The following SLC25A21 variants were observed in gnomAD, a reference collection of about 807,000 sequenced individuals.
The protein encoded by SLC25A21 is mitochondrial 2-oxodicarboxylate carrier.
In SLC25A21, 47 loss-of-function variants were observed where a neutral mutation model predicts 43.8. The ratio of observed to expected loss-of-function variants is 1.07; its 90% CI spans 0.85 to 1.37. The LOEUF is 1.37. Among genes scored for constraint, SLC25A21 ranks in the 40% most tolerant of loss-of-function variants. SLC25A21 has a pLI of 0.00. For synonymous variants in SLC25A21, 131 were observed against 121.3 expected (o/e 1.08, Z -0.52); for missense variants, 352 against 350.2 (o/e 1.00, Z -0.04).
At chr14:36,814,818 G>C (rs1888397387) in intron 2 of SLC25A21, among the ~76,000 whole-genome samples, 1 of 151,940 alleles carries the variant, frequency 6.6e-6, no homozygotes, top group South Asian at 2.1e-4. Flanking sequence ...CCCATTACCG[G>C]GTATATACCC....
chr14:37,137,857 G>GTAT (rs1448807117), intron 1 of SLC25A21, among the ~76,000 whole-genome samples: 1 of 152,056 alleles, frequency 6.6e-6, no homozygotes, highest in Middle Eastern at 3.2e-3. Context: ...CGTTCTACAG[G>GTAT]TATTAATTAA....
At chr14:36,748,722 T>C (rs903239556) in intron 3 of SLC25A21, among the ~76,000 whole-genome samples, 5 of 152,330 alleles carry the variant, frequency 3.3e-5, no homozygotes, top group African/African-American at 9.6e-5. Context: ...CATCGGGTCC[T>C]ATGACTTTAG....
At chr14:37,092,275 G>T (rs1962601947) in intron 1 of SLC25A21, among the ~76,000 whole-genome samples, 1 of 152,130 alleles carries the variant, frequency 6.6e-6, no homozygotes, top group South Asian at 2.1e-4. Flanking sequence ...TAGCATCCTA[G>T]AAATATAAAC....
chr14:36,819,163 G>A (rs1188202956), intron 2 of SLC25A21, among the ~76,000 whole-genome samples: 3 of 152,098 alleles, frequency 2.0e-5, no homozygotes, highest in African/African-American at 7.2e-5. Flanking sequence ...TCAAACCCTA[G>A]GCTGCATTGC....
chr14:36,732,212 A>G (rs942212162), intron 4 of SLC25A21, among the ~76,000 whole-genome samples: 1 of 151,212 alleles, frequency 6.6e-6, no homozygotes. Context: ...TATTCATCTA[A>G]TATCAACTGA....
chr14:37,108,157 T>C (rs1365655297), intron 1 of SLC25A21, among the ~76,000 whole-genome samples: 1 of 152,220 alleles, frequency 6.6e-6, no homozygotes, highest in Non-Finnish European at 1.5e-5. Context: ...TGTAGAAGAA[T>C]GTAAATGTAC....
chr14:36,917,806 T>C (rs1891871132), intron 1 of SLC25A21, among the ~76,000 whole-genome samples: 1 of 152,222 alleles, frequency 6.6e-6, no homozygotes, highest in African/African-American at 2.4e-5. Context: ...ATTTACATTT[T>C]ATCATCAGTA....
At chr14:37,094,527 G>C (rs1962648658) in intron 1 of SLC25A21, among the ~76,000 whole-genome samples, 1 of 152,140 alleles carries the variant, frequency 6.6e-6, no homozygotes, top group Admixed American at 6.6e-5. Flanking sequence ...AACCAAATGT[G>C]TTTGGCCCAT....
intron 1 of SLC25A21, among the ~76,000 whole-genome samples, chr14:37,068,759 C>A (rs1962111654): frequency 6.6e-6 from 1 of 152,162 alleles, no homozygotes; most frequent in Non-Finnish European, 1.5e-5. Flanking sequence ...TCCCATGTAA[C>A]AGGCATAAAG....
intron 1 of SLC25A21, among the ~76,000 whole-genome samples, chr14:37,164,479 T>A (rs1388852081): frequency 6.6e-6 from 1 of 152,274 alleles, no homozygotes; most frequent in East Asian, 1.9e-4. Context: ...AAATCCTGAA[T>A]TTCCAAAGGT....
At chr14:37,028,140 G>C (rs906337120) in intron 1 of SLC25A21, among the ~76,000 whole-genome samples, 21 of 151,886 alleles carry the variant, frequency 1.4e-4, no homozygotes, top group African/African-American at 5.1e-4. Flanking sequence ...AAGGAGACGT[G>C]TGTATAAACA....
chr14:36,693,187 T>G (rs1018751099), intron 7 of SLC25A21, among the ~76,000 whole-genome samples: 29 of 152,214 alleles, frequency 1.9e-4, no homozygotes, highest in African/African-American at 7.0e-4. Context: ...CACATCTTAA[T>G]TTCAGAAAAT....
At chr14:36,804,489 A>G (rs1269008175) in intron 3 of SLC25A21, among the ~76,000 whole-genome samples, 3 of 152,200 alleles carry the variant, frequency 2.0e-5, no homozygotes, top group Non-Finnish European at 4.4e-5. Flanking sequence ...TGTACTCCTC[A>G]TCCTCCTACC....
intron 1 of SLC25A21, among the ~76,000 whole-genome samples, chr14:36,882,945 A>G (rs928225286): frequency 1.3e-5 from 2 of 151,970 alleles, no homozygotes; most frequent in Non-Finnish European, 2.9e-5. Flanking sequence ...TTCAAAATAT[A>G]TCCAGATTTC....
intron 1 of SLC25A21, among the ~76,000 whole-genome samples, chr14:36,996,161 G>C (rs1421810080): frequency 6.6e-6 from 1 of 152,004 alleles, no homozygotes; most frequent in East Asian, 1.9e-4. Flanking sequence ...CACAACCCTT[G>C]TGCCTTCTTT....
chr14:36,988,397 C>A (rs367872355), intron 1 of SLC25A21, among the ~76,000 whole-genome samples: 1 of 152,038 alleles, frequency 6.6e-6, no homozygotes, highest in Admixed American at 6.5e-5. Context: ...ATCTGACTGG[C>A]GAGTTGAGAT....
rs1883854932 is a variant in SLC25A21, at chr14:36,711,341, T to A, written c.580A>T (p.Lys194Ter). 1 of 1,613,958 alleles carries A rather than the reference T, an allele frequency of 6.2e-7. No individual in the cohort carries two copies. The highest frequency in any genetic ancestry group is 8.5e-7 in the Non-Finnish European group (1 of 1,179,972). The change falls in exon 7 of 10, where the codon AAA becomes TAA. Residue 194 changes from lysine to a stop codon, truncating the protein, a stop_gained. Transcript: ENST00000331299. LOFTEE classifies it high-confidence loss of function. ...MVYFGFYYNV[K>*]NMIPVNKDPI... ...ACCTTATTGACAGGAATCATGTTTT[T>A]GACATTGTAGTAGAAGCCAAAATAA...
chr14:36,944,689 T>C (rs1892641008), intron 1 of SLC25A21, among the ~76,000 whole-genome samples: 1 of 152,206 alleles, frequency 6.6e-6, no homozygotes, highest in African/African-American at 2.4e-5. Context: ...ACAGAATTCA[T>C]ATGTGCCTCC....
Position 36,872,356 on chromosome 14 carries a change from G to T in SLC25A21, c.119+2600C>A, listed in dbSNP as rs572336253. Among the ~76,000 whole-genome samples, 4 of 152,214 alleles carry T rather than the reference G, an allele frequency of 2.6e-5. No individual in the cohort carries two copies. In the South Asian group the frequency reaches 8.3e-4, roughly 32 times the overall value. On this transcript the variant is annotated intron_variant, in intron 2 of 9. Coordinates refer to ENST00000331299, the MANE Select transcript of SLC25A21 (RefSeq NM_030631.4). The stretch of plus-strand genomic sequence containing the variant: ...ATTTACTTTCAAACTCCTCTTTAAA[G>T]TGGATTTTTAAAACTCTATAAATGA...
Sources: gnomAD v4.1 joint callset for allele counts (sites outside exome capture counted in the v4.1 genomes callset) on GRCh38, gnomAD v4.1.1 for gene constraint, MANE v1.5 for transcripts, NCBI Gene and HGNC (gene_info 2026-07-23, HGNC 2026-07-21) for gene names.